Variants in IL1RAPL1 observed in about 807,000 individuals in gnomAD.
IL1RAPL1 encodes the protein interleukin-1 receptor accessory protein-like 1.
In IL1RAPL1, 3 loss-of-function variants were observed where a neutral mutation model predicts 48.4. That is an observed-to-expected ratio of 0.06 (90% CI 0.03 to 0.16). The LOEUF is 0.16. Ranked by LOEUF, IL1RAPL1 falls within the 10% of genes least tolerant of loss-of-function variation. The probability of loss-of-function intolerance (pLI) is 1.00; values close to 1 mark genes in which losing one functional copy is unlikely to be tolerated. For synonymous variants in IL1RAPL1, 185 were observed against 187.7 expected (o/e 0.99, Z 0.12); for missense variants, 349 against 530.6 (o/e 0.66, Z 3.36).
intron 2 of IL1RAPL1, among the ~76,000 whole-genome samples, chrX:28,805,416 G>A (rs756986417): frequency 1.8e-5 from 2 of 111,186 alleles, no homozygotes; most frequent in East Asian, 2.8e-4. Flanking sequence ...CTGACAAATT[G>A]TACATCTGAA....
chrX:28,799,944 T>C (rs1212144901), intron 2 of IL1RAPL1, among the ~76,000 whole-genome samples: 2 of 111,628 alleles, frequency 1.8e-5, no homozygotes, highest in African/African-American at 6.5e-5. Flanking sequence ...AATGGATTTA[T>C]TGGTCTGGAA....
chrX:29,886,765 C>T (rs1300755352), intron 6 of IL1RAPL1, among the ~76,000 whole-genome samples: 2 of 111,643 alleles, frequency 1.8e-5, no homozygotes, highest in African/African-American at 6.5e-5. Flanking sequence ...TACGGAGTAG[C>T]TCTAATAGGA....
intron 5 of IL1RAPL1, among the ~76,000 whole-genome samples, chrX:29,647,399 C>T (rs1350907905): frequency 2.8e-5 from 3 of 108,835 alleles, no homozygotes; most frequent in Non-Finnish European, 1.9e-5. Flanking sequence ...CGTGTAAATT[C>T]CTTATATCTT....
intron 2 of IL1RAPL1, among the ~76,000 whole-genome samples, chrX:29,138,206 C>T (rs777514480): frequency 1.4e-4 from 16 of 112,043 alleles, no homozygotes; most frequent in East Asian, 1.1e-3. Flanking sequence ...TTTCTTCCAA[C>T]GCTGATTCAG....
At position 29,623,281 on chromosome X, in the gene IL1RAPL1, CA is replaced by C. The variant is rs778619420; in HGVS notation, c.704-45136del. ...TGGGCGACAGACTGAGACTCCGTCT[CA>C]AAAAAAAAAAAAGAAAGAAAGAAAG... is the stretch of plus-strand genomic sequence containing the variant. On this transcript the variant is annotated intron_variant, in intron 5 of 10. Coordinates refer to ENST00000378993, the MANE Select transcript of IL1RAPL1 (RefSeq NM_014271.4). 3.7e-3 allele frequency among the ~76,000 whole-genome samples: 325 copies of C among 87,967 alleles called. 1 individual carries two copies. Among genetic ancestry groups the C allele is most frequent in the Admixed American group, 7.0e-3 (54 of 7,745 alleles). 76.4% of individuals were successfully genotyped at this position (87,967 alleles called of 115,157 possible).
At chrX:29,385,858 C>T (rs1354831623) in intron 3 of IL1RAPL1, among the ~76,000 whole-genome samples, 1 of 111,295 alleles carries the variant, frequency 9.0e-6, no homozygotes, top group African/African-American at 3.3e-5. Context: ...GTGTGAATAC[C>T]TAGGAGAGGT....
chrX:28,780,333 ATGTGTGTGTGTG>A (rs1171085384), intron 1 of IL1RAPL1, among the ~76,000 whole-genome samples: 2 of 96,504 alleles, frequency 2.1e-5, no homozygotes, highest in Non-Finnish European at 4.1e-5. Context: ...GTGTGTGTGT[ATGTGTGTGTGTG>A]TGTGTGTGTG....
chrX:29,930,343 A>C (rs1932932471), intron 8 of IL1RAPL1, among the ~76,000 whole-genome samples: 2 of 112,202 alleles, frequency 1.8e-5, no homozygotes, highest in East Asian at 5.6e-4. Flanking sequence ...GGTTACCAAG[A>C]GAACTCTTAG....
intron 2 of IL1RAPL1, among the ~76,000 whole-genome samples, chrX:28,842,176 C>G (rs1298454247): frequency 9.0e-6 from 1 of 110,591 alleles, no homozygotes; most frequent in East Asian, 2.8e-4. Flanking sequence ...TATGCATGTA[C>G]TTCAAGGATA....
intron 1 of IL1RAPL1, among the ~76,000 whole-genome samples, chrX:28,599,553 C>T (rs1406757397): frequency 1.8e-5 from 2 of 111,556 alleles, no homozygotes; most frequent in East Asian, 5.7e-4. Flanking sequence ...TGGGTCCCTA[C>T]TAACCACTGT....
chrX:28,645,513 G>C (rs886301138), intron 1 of IL1RAPL1, among the ~76,000 whole-genome samples: 1 of 110,652 alleles, frequency 9.0e-6, no homozygotes, highest in Non-Finnish European at 1.9e-5. Context: ...AGAGGCTCTT[G>C]AGTTGCAGAT....
chrX:29,110,039 C>T (rs1928529282), intron 2 of IL1RAPL1, among the ~76,000 whole-genome samples: 2 of 111,904 alleles, frequency 1.8e-5, no homozygotes, highest in Non-Finnish European at 3.8e-5. Context: ...ATACATTGTG[C>T]TCTTCAGCTG....
Position 29,006,178 on chromosome X carries a change from G to A in IL1RAPL1, c.82+216753G>A, listed in dbSNP as rs1925972976. 3.6e-5 allele frequency among the ~76,000 whole-genome samples: 4 copies of A among 110,541 alleles called. No homozygotes were observed. In the South Asian group the frequency reaches 1.5e-3, roughly 43 times the overall value. On this transcript the variant is annotated intron_variant, in intron 2 of 10. Coordinates refer to ENST00000378993, the MANE Select transcript of IL1RAPL1 (RefSeq NM_014271.4). ...AAAATTAATGAAAGGGGGAGAATTG[G>A]GTGGAGGGGTCTTTGTTCTTCTTGT...
At chrX:29,739,993 G>A (rs1469888437) in intron 6 of IL1RAPL1, among the ~76,000 whole-genome samples, 3 of 108,733 alleles carry the variant, frequency 2.8e-5, no homozygotes, top group African/African-American at 1.0e-4. Context: ...CTGGGAGGTG[G>A]AGGTTGCAGC....
At position 29,441,118 on chromosome X, in the gene IL1RAPL1, CCT is replaced by C. The variant is rs762298824; in HGVS notation, c.703+41815_703+41816del. Among the ~76,000 whole-genome samples, 181 of 110,724 alleles carry C rather than the reference CCT, an allele frequency of 1.6e-3. No individual in the cohort carries two copies. In the Middle Eastern group the frequency reaches 0.019, roughly 11 times the overall value. ...AATGACCCTGCATATCCTTCACTGGCCTCTCTTTCAAAGAACCCATCCTACAA... is the reference window on the plus strand; with the variant it reads ...AATGACCCTGCATATCCTTCACTGGCCTCTTTCAAAGAACCCATCCTACAA... On this transcript the variant is annotated intron_variant, in intron 5 of 10. Coordinates refer to ENST00000378993, the MANE Select transcript of IL1RAPL1 (RefSeq NM_014271.4).
chrX:29,767,955 T>TA (rs11402899), intron 6 of IL1RAPL1, among the ~76,000 whole-genome samples: 7,009 of 108,299 alleles, frequency 0.065, 569 homozygotes, highest in African/African-American at 0.22. Context: ...AGTTGTAAAT[T>TA]AAAAAAAAAA....
At chrX:29,949,865 GAC>G (rs1846700726) in intron 9 of IL1RAPL1, among the ~76,000 whole-genome samples, 1 of 111,987 alleles carries the variant, frequency 8.9e-6, no homozygotes, top group Admixed American at 9.5e-5. Context: ...AAAAAGGGAA[GAC>G]ACCTTAGAAT....
intron 1 of IL1RAPL1, 45 bp from the exon 2 acceptor site, chrX:28,789,274 AT>A (rs1452317869): frequency 1.3e-6 from 1 of 757,961 alleles, no homozygotes; most frequent in Admixed American, 2.3e-5. Context: ...ATTGCTATCT[AT>A]TTTTAAAACA....
chrX:28,699,075 A>G (rs977360995), intron 1 of IL1RAPL1, among the ~76,000 whole-genome samples: 7 of 112,049 alleles, frequency 6.2e-5, no homozygotes, highest in African/African-American at 1.9e-4. Context: ...AACCCATTGA[A>G]TCATTCTTTC....
Sources: allele counts gnomAD v4.1 joint callset (sites outside exome capture counted in the v4.1 genomes callset), GRCh38; gene constraint gnomAD v4.1.1; transcripts MANE v1.5; gene names NCBI Gene and HGNC (gene_info 2026-07-23, HGNC 2026-07-21).